KCNJ11: variants seen among roughly 807,000 people sequenced by gnomAD.
KCNJ11 encodes the protein ATP-sensitive inward rectifier potassium channel 11.
A neutral mutation model predicts 17.3 loss-of-function variants in KCNJ11; 12 were observed. The observed-to-expected ratio is 0.69, with a 90% CI of 0.44 to 1.12. The LOEUF is 1.12. KCNJ11 is among the 50% of genes most tolerant of loss of function. The pLI, the probability that KCNJ11 is intolerant of heterozygous loss-of-function variation, is 0.00. For missense variants in KCNJ11, 386 were observed against 554.1 expected (o/e 0.70, Z 3.05); for synonymous variants, 211 against 223.4 (o/e 0.94, Z 0.50).
chr11:17,387,513 G>A lies in KCNJ11; in HGVS notation c.579C>T (p.His193=), dbSNP rs762089425. Residue 193 remains histidine (H), a synonymous_variant, in exon 1 of 1, where the codon CAC becomes CAT. Coordinates refer to ENST00000339994, the MANE Select transcript of KCNJ11 (RefSeq NM_000525.4). ...FSKHAVIALR[H]GRLCFMLRVG... Reference sequence around the variant, plus strand: ...CACGTAGCATGAAGCAGAGGCGGCCGTGGCGCAGGGCGATCACCGCATGCT... The same window carrying A: ...CACGTAGCATGAAGCAGAGGCGGCCATGGCGCAGGGCGATCACCGCATGCT... The A allele has an allele frequency of 1.2e-5, 20 of 1,611,798 alleles. No homozygotes were observed. The highest frequency in any genetic ancestry group is 3.3e-4 in the Middle Eastern group (2 of 6,084).
Position 17,386,894 on chromosome 11 carries a change from T to C in KCNJ11, c.*25A>G. ...CACATGGTCCGTGTGTACACACGCG[T>C]GTGGGGGGCCCGAGAGACCATGGCT... is the stretch of plus-strand genomic sequence containing the variant. On this transcript the variant is annotated 3_prime_UTR_variant, in exon 1 of 1. Transcript: ENST00000339994. 6.3e-7 allele frequency: 1 copy of C among 1,597,760 alleles called. No individual in the cohort carries two copies. The highest frequency in any genetic ancestry group is 8.5e-7 in the Non-Finnish European group (1 of 1,170,172).
chr11:17,386,892 C>G lies in KCNJ11; in HGVS notation c.*27G>C. The G allele has an allele frequency of 6.3e-7, 1 of 1,596,386 alleles. No homozygotes were observed. Among genetic ancestry groups the G allele is most frequent in the East Asian group, 2.2e-5 (1 of 44,756 alleles). On this transcript the variant is annotated 3_prime_UTR_variant, in exon 1 of 1. Coordinates refer to ENST00000339994, the MANE Select transcript of KCNJ11 (RefSeq NM_000525.4). ...ACCACATGGTCCGTGTGTACACACG[C>G]GTGTGGGGGGCCCGAGAGACCATGG...
In KCNJ11 at chr11:17,387,193, G is replaced by C; in HGVS notation, c.899C>G (p.Ala300Gly). Reference sequence around the variant, plus strand: ...CTCATCGGCCAGGTAGGAGGTGCGGGCCTGGGTGGTGATGCCCGTGGTTTC... The same window carrying C: ...CTCATCGGCCAGGTAGGAGGTGCGGCCCTGGGTGGTGATGCCCGTGGTTTC... ...VVETTGITTQ[A>G]RTSYLADEIL... Residue 300 changes from alanine to glycine, a missense_variant, in exon 1 of 1, where the codon GCC becomes GGC. By Grantham distance (60) the Ala-to-Gly change is moderately conservative. Transcript: ENST00000339994. 6.2e-7 allele frequency: 1 copy of C among 1,614,258 alleles called. No homozygotes were observed. The highest frequency in any genetic ancestry group is 1.1e-5 in the South Asian group (1 of 91,090).
At chr11:17,389,216 C>T (rs1591697440), upstream of KCNJ11, 1 of 152,928 alleles carries the variant, frequency 6.5e-6, no homozygotes, top group Non-Finnish European at 1.5e-5. Flanking sequence ...TCCCCGCCCC[C>T]TCCCGCCGCC....
Position 17,386,560 on chromosome 11 carries a change from G to A in KCNJ11, c.*359C>T, listed in dbSNP as rs529498937. On this transcript the variant is annotated 3_prime_UTR_variant, in exon 1 of 1. Transcript: ENST00000339994. ...CCACAGACGCAAAGCAGCAGCCCTCGGGGATTGTTCTTCCCCAGCCACCGG... is the reference window on the plus strand; with the variant it reads ...CCACAGACGCAAAGCAGCAGCCCTCAGGGATTGTTCTTCCCCAGCCACCGG... The A allele has an allele frequency of 2.9e-5, 7 of 242,532 alleles. No homozygotes were observed. Among genetic ancestry groups the A allele is most frequent in the South Asian group, 9.9e-5 (1 of 10,064 alleles). The allele number at this position is 242,532 out of a possible 1,614,324, so 15.0% of individuals were successfully genotyped here.
chr11:17,388,211 C>T lies in KCNJ11; in HGVS notation c.-120G>A. The T allele has an allele frequency of 1.2e-6, 1 of 804,616 alleles. No individual in the cohort carries two copies. Among genetic ancestry groups the T allele is most frequent in the Non-Finnish European group, 2.0e-6 (1 of 501,054 alleles). 49.8% of individuals were successfully genotyped at this position (804,616 alleles called of 1,614,324 possible). On this transcript the variant is annotated 5_prime_UTR_variant, in exon 1 of 1. Transcript: ENST00000339994. ...TTCTCACCCTGGGGCTGCACTCAGC[C>T]TGTGCTGGCCTCACTTCTGAGATAA...
rs1564865033 is a variant in KCNJ11 at position 17,387,123 on chromosome 11, GTCC to G, written c.966_968del (p.Glu322del). The G allele has an allele frequency of 6.2e-7, 1 of 1,614,216 alleles. No individual in the cohort carries two copies. The highest frequency in any genetic ancestry group is 1.7e-5 in the Admixed American group (1 of 60,020). On this transcript the variant is annotated inframe_deletion, in exon 1 of 1. Coordinates refer to ENST00000339994, the MANE Select transcript of KCNJ11 (RefSeq NM_000525.4). ...TGGAGTAGTCCACAGAGTAACGTCC[GTCC>G]TCCTCAGCTACAATGGGCACAAAGC... is the stretch of plus-strand genomic sequence containing the variant.
Position 17,386,932 on chromosome 11 carries a change from T to C in KCNJ11, c.1160A>G (p.Asp387Gly), listed in dbSNP as rs764508494. The change falls in exon 1 of 1, where the codon GAT becomes GGT. Residue 387 changes from aspartate (D) to glycine (G), a missense_variant. By Grantham distance (94) the Asp-to-Gly change is moderately conservative (BLOSUM62 -1). Coordinates refer to ENST00000339994, the MANE Select transcript of KCNJ11 (RefSeq NM_000525.4). ...AGAGACCATGGCTCAGGACAGGGAA[T>C]CTGGAGAGATGCTGAACTTGGGCTT... The part of the protein sequence containing the change: ...KAKPKFSISP[D>G]SLS The C allele has an allele frequency of 6.2e-7, 1 of 1,612,688 alleles. No homozygotes were observed. The highest frequency in any genetic ancestry group is 1.7e-4 in the Middle Eastern group (1 of 6,052).
Position 17,387,675 on chromosome 11 carries a change from A to G in KCNJ11, c.417T>C (p.Thr139=). 1 of 1,614,112 alleles carries G rather than the reference A, an allele frequency of 6.2e-7. No homozygotes were observed. The highest frequency in any genetic ancestry group is 1.1e-5 in the South Asian group (1 of 91,084). ...VTIGFGGRMV[T]EECPLAILIL... ...TCAGGATGGCCAGTGGGCACTCCTC[A>G]GTCACCATGCGCCCCCCAAAGCCAA... Residue 139 remains threonine (T), a synonymous_variant, in exon 1 of 1, where the codon ACT becomes ACC. Coordinates refer to ENST00000339994, the MANE Select transcript of KCNJ11 (RefSeq NM_000525.4).
In KCNJ11 at chr11:17,387,102, G is replaced by A. The variant is rs753784994; in HGVS notation, c.990C>T (p.Tyr330=). The change falls in exon 1 of 1, where the codon TAC becomes TAT. Residue 330 remains tyrosine, a synonymous_variant. Transcript: ENST00000339994. ...CTTTGACGGTGTTGCCAAACTTGGA[G>A]TAGTCCACAGAGTAACGTCCGTCCT... is the stretch of plus-strand genomic sequence containing the variant. ...AEEDGRYSVD[Y]SKFGNTVKVP... is the part of the protein sequence containing the mutation. 4 of 1,614,236 alleles carry A rather than the reference G, an allele frequency of 2.5e-6. No individual in the cohort carries two copies. Among genetic ancestry groups the A allele is most frequent in the Non-Finnish European group, 3.4e-6 (4 of 1,180,020 alleles).
Position 17,388,152 on chromosome 11 carries a change from A to G in KCNJ11, c.-61T>C. ...CGGAGGCACCCCTCGGACGTGGCCT[A>G]GGGCCTCACTGCAGAGTCCTCTCGG... On this transcript the variant is annotated 5_prime_UTR_variant, in exon 1 of 1. Coordinates refer to ENST00000339994, the MANE Select transcript of KCNJ11 (RefSeq NM_000525.4). 1 of 1,510,590 alleles carries G rather than the reference A, an allele frequency of 6.6e-7. No homozygotes were observed. The highest frequency in any genetic ancestry group is 1.4e-5 in the African/African-American group (1 of 72,682). The allele number at this position is 1,510,590 out of a possible 1,614,324, so 93.6% of individuals were successfully genotyped here. A position where few individuals can be genotyped will look rare whatever the true frequency, so the allele number is the denominator to read the frequency against.
In KCNJ11 at chr11:17,388,190, C is replaced by A; in HGVS notation, c.-99G>T. On this transcript the variant is annotated 5_prime_UTR_variant, in exon 1 of 1. Coordinates refer to ENST00000339994, the MANE Select transcript of KCNJ11 (RefSeq NM_000525.4). ...AGAGTCCTCTCGGTGGGCACCTTCT[C>A]ACCCTGGGGCTGCACTCAGCCTGTG... is the stretch of plus-strand genomic sequence containing the variant. 1 of 1,028,218 alleles carries A rather than the reference C, an allele frequency of 9.7e-7. No homozygotes were observed. Among genetic ancestry groups the A allele is most frequent in the South Asian group, 1.4e-5 (1 of 69,426 alleles). 63.7% of individuals were successfully genotyped at this position (1,028,218 alleles called of 1,614,324 possible).
upstream of KCNJ11, chr11:17,388,795 T>C (rs1231651881): frequency 6.6e-6 from 3 of 455,186 alleles, no homozygotes; most frequent in Non-Finnish European, 1.3e-5. Flanking sequence ...TCCGGATCTC[T>C]CCCACTAACC....
chr11:17,386,679 C>T lies in KCNJ11; in HGVS notation c.*240G>A, dbSNP rs770194798. 19 of 537,338 alleles carry T rather than the reference C, an allele frequency of 3.5e-5. No homozygotes were observed. Among genetic ancestry groups the T allele is most frequent in the East Asian group, 1.2e-4 (4 of 32,764 alleles). 33.3% of individuals were successfully genotyped at this position (537,338 alleles called of 1,614,324 possible). ...CTCCCACAGCCTCTGCAGCCTTGGG[C>T]GGGGGAGAGGGGTGAGCCAGTCCTG... On this transcript the variant is annotated 3_prime_UTR_variant, in exon 1 of 1. Coordinates refer to ENST00000339994, the MANE Select transcript of KCNJ11 (RefSeq NM_000525.4).
Position 17,387,074 on chromosome 11 carries a change from G to A in KCNJ11, c.1018C>T (p.Pro340Ser). The change falls in exon 1 of 1, where the codon CCC becomes TCC. Residue 340 changes from proline (P) to serine (S), a missense_variant. Transcript: ENST00000339994. ...YSKFGNTVKVPTPLCTARQLD... is the reference protein window; with the variant it reads ...YSKFGNTVKVSTPLCTARQLD... ...TGGCGGGCCGTGCAGAGTGGTGTGGGCACTTTGACGGTGTTGCCAAACTTG... is the reference window on the plus strand; with the variant it reads ...TGGCGGGCCGTGCAGAGTGGTGTGGACACTTTGACGGTGTTGCCAAACTTG... 1 of 1,614,208 alleles carries A rather than the reference G, an allele frequency of 6.2e-7. No homozygotes were observed. The highest frequency in any genetic ancestry group is 1.1e-5 in the South Asian group (1 of 91,084).
At position 17,388,034 on chromosome 11, in the gene KCNJ11, C is replaced by T; in HGVS notation, c.58G>A (p.Asp20Asn). 6.2e-7 allele frequency: 1 copy of T among 1,613,500 alleles called. No homozygotes were observed. The highest frequency in any genetic ancestry group is 1.1e-5 in the South Asian group (1 of 91,088). The change falls in exon 1 of 1, where the codon GAC becomes AAC. Residue 20 changes from aspartate to asparagine, a missense_variant. Transcript: ENST00000339994. ...EEYVLTRLAE[D>N]PAKPRYRARQ... is the part of the protein sequence containing the mutation. ...GCACGGTACCTGGGCTTGGCAGGGT[C>T]CTCTGCCAGGCGTGTCAGCACGTAT...
Position 17,386,837 on chromosome 11 carries a change from G to A in KCNJ11, c.*82C>T. 7.7e-7 allele frequency: 1 copy of A among 1,306,022 alleles called. No homozygotes were observed. Among genetic ancestry groups the A allele is most frequent in the Non-Finnish European group, 1.1e-6 (1 of 945,320 alleles). 80.9% of individuals were successfully genotyped at this position (1,306,022 alleles called of 1,614,324 possible). A position where few individuals can be genotyped will look rare whatever the true frequency, so the allele number is the denominator to read the frequency against. Reference sequence around the variant, plus strand: ...GGGAGGCTGAGCTGAGGCTGGCCCAGCCTCACACCAGGCCCTGGCCGGGCT... The same window carrying A: ...GGGAGGCTGAGCTGAGGCTGGCCCAACCTCACACCAGGCCCTGGCCGGGCT... On this transcript the variant is annotated 3_prime_UTR_variant, in exon 1 of 1. Transcript: ENST00000339994.
At chr11:17,388,885 AC>A (rs1564866285), upstream of KCNJ11, 1 of 444,640 alleles carries the variant, frequency 2.2e-6, no homozygotes, top group Non-Finnish European at 4.5e-6. Context: ...GGTCCTGGCC[AC>A]CCCCGCCCCG....
rs1343400778 is a variant in KCNJ11, at chr11:17,387,927, G to T, written c.165C>A (p.Phe55Leu). Residue 55 changes from phenylalanine to leucine, a missense_variant, in exon 1 of 1, where the codon TTC becomes TTA. By Grantham distance (22) the Phe-to-Leu change is conservative. Coordinates refer to ENST00000339994, the MANE Select transcript of KCNJ11 (RefSeq NM_000525.4). ...CCAGCGTGGTGAACACGTCCTGCAGGAAGCGGCCCTGCTCCCGGATGTTCT... is the reference window on the plus strand; with the variant it reads ...CCAGCGTGGTGAACACGTCCTGCAGTAAGCGGCCCTGCTCCCGGATGTTCT... Reference protein sequence around the residue: ...AHKNIREQGRFLQDVFTTLVD... With the variant: ...AHKNIREQGRLLQDVFTTLVD... 1.9e-6 allele frequency: 3 copies of T among 1,610,504 alleles called. No homozygotes were observed. The highest frequency in any genetic ancestry group is 2.5e-6 in the Non-Finnish European group (3 of 1,176,946).
Sources: allele counts gnomAD v4.1 joint callset, GRCh38; gene constraint gnomAD v4.1.1; transcripts MANE v1.5; gene names NCBI Gene and HGNC (gene_info 2026-07-23, HGNC 2026-07-21).